Variants in CAMK2G observed in about 807,000 individuals in gnomAD.
The protein encoded by CAMK2G is calcium/calmodulin-dependent protein kinase type II subunit gamma.
Under a neutral mutation model 88.7 loss-of-function variants are expected in CAMK2G, and 23 were observed. That is an observed-to-expected ratio of 0.26 (90% CI 0.19 to 0.37). The LOEUF (loss-of-function observed/expected upper bound fraction) is 0.37. Among genes scored for constraint, CAMK2G ranks in the 10% least tolerant of loss-of-function variants. The pLI, the probability that CAMK2G is intolerant of heterozygous loss-of-function variation, is 1.00. For synonymous variants in CAMK2G, 263 were observed against 294.8 expected (o/e 0.89, Z 1.11); for missense variants, 476 against 780.8 (o/e 0.61, Z 4.65).
At chr10:73,820,709 G>A (rs1192568058) in intron 18 of CAMK2G, among the ~76,000 whole-genome samples, 1 of 94,416 alleles carries the variant, frequency 1.1e-5, no homozygotes, top group Non-Finnish European at 2.0e-5. Context: ...TTTCGCTCTT[G>A]TTGCCCAGGC....
chr10:73,822,964 C>T (rs765337393), intron 17 of CAMK2G, among the ~76,000 whole-genome samples: 39 of 152,094 alleles, frequency 2.6e-4, no homozygotes, highest in Admixed American at 6.5e-4. Flanking sequence ...CAGGTTCAAG[C>T]GATTCTCCTG....
intron 15 of CAMK2G, among the ~76,000 whole-genome samples, chr10:73,826,471 C>T (rs897275444): frequency 9.9e-5 from 15 of 152,074 alleles, no homozygotes; most frequent in South Asian, 4.2e-4. Flanking sequence ...AAACATTACA[C>T]GGAGGGGCAC....
At chr10:73,861,512 C>T (rs1436910005) in intron 2 of CAMK2G, among the ~76,000 whole-genome samples, 3 of 152,174 alleles carry the variant, frequency 2.0e-5, no homozygotes, top group Admixed American at 6.5e-5. Flanking sequence ...CACACCACCA[C>T]GCCTGGCTAA....
At chr10:73,837,424 CG>C (rs1565308958) in intron 14 of CAMK2G, 43 bp downstream of exon 14, 3 of 1,509,536 alleles carry the variant, frequency 2.0e-6, no homozygotes, top group Non-Finnish European at 2.8e-6. Flanking sequence ...ATAGTGACTG[CG>C]GGGAGAAAGA....
At chr10:73,837,427 G>GGA (rs768621402) in intron 14 of CAMK2G, 41 bp downstream of exon 14, 1 of 1,536,400 alleles carries the variant, frequency 6.5e-7, no homozygotes, top group Non-Finnish European at 9.0e-7. Context: ...GTGACTGCGG[G>GGA]GAGAAAGAGG....
intron 2 of CAMK2G, among the ~76,000 whole-genome samples, chr10:73,862,405 A>G (rs1164541406): frequency 1.4e-5 from 2 of 147,452 alleles, no homozygotes; most frequent in Admixed American, 6.9e-5. Context: ...GTACCTTTCC[A>G]GGTAGTGCTT....
chr10:73,830,581 A>G (rs1364317655), intron 14 of CAMK2G, among the ~76,000 whole-genome samples: 1 of 152,272 alleles, frequency 6.6e-6, no homozygotes, highest in Non-Finnish European at 1.5e-5. Context: ...TAGGGAAATA[A>G]CTATAACCTT....
At chr10:73,872,932 A>T in intron 2 of CAMK2G, 57 bp downstream of exon 2, 1 of 1,133,246 alleles carries the variant, frequency 8.8e-7, no homozygotes, top group East Asian at 2.3e-5. Context: ...CTTCCTCAAA[A>T]GAAACCATGG....
At chr10:73,829,490 T>C (rs1327965372) in intron 14 of CAMK2G, among the ~76,000 whole-genome samples, 1 of 151,620 alleles carries the variant, frequency 6.6e-6, no homozygotes, top group East Asian at 1.9e-4. Context: ...GTAGAGAGAC[T>C]GGTTTCGCCA....
At chr10:73,843,910 T>C (rs2094016214) in intron 10 of CAMK2G, among the ~76,000 whole-genome samples, 1 of 152,152 alleles carries the variant, frequency 6.6e-6, no homozygotes, top group Admixed American at 6.5e-5. Context: ...GCCTCCACAC[T>C]AATAGAAGTC....
Position 73,873,047 on chromosome 10 carries a change from T to A in CAMK2G, c.102A>T (p.Lys34Asn). The A allele has an allele frequency of 1.9e-6, 3 of 1,612,928 alleles. No individual in the cohort carries two copies. The highest frequency in any genetic ancestry group is 2.5e-6 in the Non-Finnish European group (3 of 1,179,454). ...TTGCTGCGTACTCCTGCGTGGAGGT[T>A]TTCTTCACACACCTGCGGACCACAG... is the stretch of plus-strand genomic sequence containing the variant. Reference protein sequence around the residue: ...AFSVVRRCVKKTSTQEYAAKI... With the variant: ...AFSVVRRCVKNTSTQEYAAKI... The change falls in exon 2 of 23, where the codon AAA becomes AAT. Residue 34 changes from lysine (K) to asparagine (N), a missense_variant. Lys to Asn is a moderately conservative substitution (Grantham distance 94, BLOSUM62 0). Around this residue, in one of 3 missense-constraint regions of CAMK2G, gnomAD observed 164 missense variants for 385.6 expected, o/e 0.43. Transcript: ENST00000423381.
chr10:73,833,084 C>T (rs571827375), intron 14 of CAMK2G, among the ~76,000 whole-genome samples: 1 of 151,854 alleles, frequency 6.6e-6, no homozygotes, highest in East Asian at 1.9e-4. Context: ...CCTCAGCCTC[C>T]CAAGTAGCTG....
Position 73,848,549 on chromosome 10 carries a change from T to C in CAMK2G, c.578A>G (p.Lys193Arg). The change falls in exon 8 of 23, where the codon AAA (lysine) becomes AGA (arginine). Residue 193 changes from lysine to arginine, a missense_variant. Coordinates refer to ENST00000423381, the MANE Select transcript of CAMK2G (RefSeq NM_001367534.1). The surrounding 1 kb of genome is among the most constrained non-coding windows in gnomAD (Gnocchi z 4.5). ...PEVLRKDPYG[K>R]PVDIWACGVI... Reference sequence around the variant, plus strand: ...ACCGCAGGCCCAGATATCCACAGGTTTTCCATAGGGATCTTTCCTCAAGAC... The same window carrying C: ...ACCGCAGGCCCAGATATCCACAGGTCTTCCATAGGGATCTTTCCTCAAGAC... 6.2e-7 allele frequency: 1 copy of C among 1,612,940 alleles called. No individual in the cohort carries two copies. The highest frequency in any genetic ancestry group is 8.5e-7 in the Non-Finnish European group (1 of 1,179,356).
At chr10:73,846,200 G>A (rs552862725) in intron 10 of CAMK2G, 1 of 152,124 alleles carries the variant, frequency 6.6e-6, no homozygotes, top group Non-Finnish European at 1.5e-5. Flanking sequence ...GCAGAAACTT[G>A]TATGTCAGGG....
intron 14 of CAMK2G, among the ~76,000 whole-genome samples, chr10:73,834,960 T>C (rs182413239): frequency 4.6e-5 from 7 of 152,286 alleles, no homozygotes; most frequent in Admixed American, 3.9e-4. Context: ...ATAAAGAAGA[T>C]ACTGAAGTTC....
At chr10:73,834,387 A>G (rs1033984864) in intron 14 of CAMK2G, among the ~76,000 whole-genome samples, 17 of 152,344 alleles carry the variant, frequency 1.1e-4, no homozygotes, top group African/African-American at 4.1e-4. Context: ...AGAATGTGGC[A>G]TAAAACTCAT....
intron 3 of CAMK2G, among the ~76,000 whole-genome samples, chr10:73,853,893 C>T (rs113014713): frequency 0.018 from 2,805 of 152,362 alleles, 82 homozygotes; most frequent in African/African-American, 0.063. Context: ...CTGGACCCCA[C>T]GCTAGGCAGC....
At chr10:73,827,750 G>A (rs2091433600) in intron 15 of CAMK2G, among the ~76,000 whole-genome samples, 1 of 152,200 alleles carries the variant, frequency 6.6e-6, no homozygotes, top group Non-Finnish European at 1.5e-5. Context: ...CTCATGCCTG[G>A]GAAGCAGGGC....
At chr10:73,814,580 C>T (rs547874938) in intron 22 of CAMK2G, 75 bp from the exon 23 acceptor site, 46 of 195,134 alleles carry the variant, frequency 2.4e-4, no homozygotes, top group Non-Finnish European at 4.1e-4. Context: ...GACTTTAGCA[C>T]GCTAAACACA....
Sources: allele counts gnomAD v4.1 joint callset (sites outside exome capture counted in the v4.1 genomes callset), GRCh38; gene constraint gnomAD v4.1.1; regional missense constraint gnomAD v4.1.1; non-coding constraint Gnocchi (gnomAD v3.1); transcripts MANE v1.5; gene names NCBI Gene and HGNC (gene_info 2026-07-23, HGNC 2026-07-21).